Variants in PSMA1 observed in about 807,000 individuals in gnomAD.
PSMA1 encodes proteasome subunit alpha type-1.
A neutral mutation model predicts 38.4 loss-of-function variants in PSMA1; 3 were observed. The observed-to-expected ratio is 0.08, with a 90% CI of 0.04 to 0.20. PSMA1 has a LOEUF of 0.20. Ranked by LOEUF, PSMA1 falls within the 10% of genes least tolerant of loss-of-function variation. The probability of loss-of-function intolerance (pLI) is 1.00; values close to 1 mark genes in which losing one functional copy is unlikely to be tolerated. For synonymous variants in PSMA1, 101 were observed against 107.1 expected, an observed-to-expected ratio of 0.94 and a Z score of 0.35; for missense variants, 227 against 325.3, an observed-to-expected ratio of 0.70 and a Z score of 2.32.
intron 1 of PSMA1, among the ~76,000 whole-genome samples, chr11:14,621,854 T>C (rs1852847774): frequency 6.6e-6 from 1 of 152,204 alleles, no homozygotes; most frequent in Non-Finnish European, 1.5e-5. Flanking sequence ...GATGGTTCTC[T>C]GCGGCCTGGA....
upstream of PSMA1, among the ~76,000 whole-genome samples, chr11:14,524,309 C>T (rs1015967488): frequency 6.6e-6 from 1 of 152,046 alleles, no homozygotes; most frequent in Non-Finnish European, 1.5e-5. Context: ...CAGTGACCTG[C>T]ACGTATACAT....
chr11:14,614,745 T>A (rs1049021654), intron 1 of PSMA1, among the ~76,000 whole-genome samples: 1 of 152,186 alleles, frequency 6.6e-6, no homozygotes, highest in Non-Finnish European at 1.5e-5. Flanking sequence ...AATCTTTGCT[T>A]CCTTATCACT....
At chr11:14,624,819 C>T (rs758569497) in intron 1 of PSMA1, among the ~76,000 whole-genome samples, 14 of 152,112 alleles carry the variant, frequency 9.2e-5, no homozygotes, top group Admixed American at 4.6e-4. Context: ...ACATGTACAA[C>T]GACCCTGACT....
At chr11:14,642,312 A>G (rs1052063895) in intron 1 of PSMA1, among the ~76,000 whole-genome samples, 5 of 152,048 alleles carry the variant, frequency 3.3e-5, no homozygotes, top group African/African-American at 7.3e-5. Context: ...TAAAAAATAC[A>G]TTTGCTGAGT....
At chr11:14,603,106 G>A (rs533023494) in intron 2 of PSMA1, among the ~76,000 whole-genome samples, 1 of 152,252 alleles carries the variant, frequency 6.6e-6, no homozygotes, top group African/African-American at 2.4e-5. Flanking sequence ...GGTAACCAAC[G>A]CAAAATTACA....
exon 2 of PSMA1, chr11:14,611,103 C>A: frequency 1.0e-6 from 1 of 996,478 alleles, no homozygotes; most frequent in Non-Finnish European, 1.6e-6. Context: ...CTGCTACTGG[C>A]CTTGCTGAGA....
intron 9 of PSMA1, among the ~76,000 whole-genome samples, chr11:14,505,525 ATTTCTTTTTCTT>A (rs564859344): frequency 6.7e-6 from 1 of 149,808 alleles, no homozygotes; most frequent in South Asian, 2.1e-4. Flanking sequence ...TTATATGCAG[ATTTCTTTTTCTT>A]TTTCTTTTTC....
chr11:14,642,752 T>G (rs1853231429), intron 1 of PSMA1, among the ~76,000 whole-genome samples: 1 of 152,130 alleles, frequency 6.6e-6, no homozygotes, highest in Non-Finnish European at 1.5e-5. Context: ...AGCAGTCCCT[T>G]TGGTGTAGTA....
chr11:14,582,851 G>C (rs565606996), intron 2 of PSMA1, among the ~76,000 whole-genome samples: 55 of 152,222 alleles, frequency 3.6e-4, no homozygotes, highest in African/African-American at 1.1e-3. Flanking sequence ...CTTAATAGCA[G>C]ATTCCTTATT....
chr11:14,550,005 T>C (rs960573809), intron 2 of PSMA1, among the ~76,000 whole-genome samples: 3 of 152,206 alleles, frequency 2.0e-5, no homozygotes, highest in African/African-American at 7.2e-5. Context: ...TAACAAAACA[T>C]ATCATGGGTA....
intron 9 of PSMA1, 43 bp from the exon 10 acceptor site, chr11:14,505,291 T>G: frequency 2.8e-6 from 4 of 1,447,850 alleles, no homozygotes; most frequent in Non-Finnish European, 2.9e-6. Flanking sequence ...AAATGAACAC[T>G]TGATCAATAT....
Position 14,546,594 on chromosome 11 carries a change from T to C in PSMA1, c.22-27553A>G, listed in dbSNP as rs189312798. 7.7e-4 allele frequency among the ~76,000 whole-genome samples: 117 copies of C among 152,170 alleles called. 1 individual carries two copies. The highest frequency in any genetic ancestry group is 1.3e-3 in the Non-Finnish European group (85 of 67,990). On this transcript the variant is annotated intron_variant, in intron 2 of 10. Coordinates refer to the PSMA1 transcript ENST00000418988. ...CTAGGATTACAGGCGTGTGTCACCA[T>C]GCCCGGCTAATTTTCGTATTTTTAG...
At position 14,640,474 on chromosome 11, in the gene PSMA1, A is replaced by G. The variant is rs113166668; in HGVS notation, c.-166+2981T>C. Among the ~76,000 whole-genome samples, 1,010 of 152,340 alleles carry G rather than the reference A, an allele frequency of 6.6e-3. 9 individuals are homozygous for G. The highest frequency in any genetic ancestry group is 0.023 in the African/African-American group (965 of 41,574). On this transcript the variant is annotated intron_variant, in intron 1 of 10. Coordinates refer to the PSMA1 transcript ENST00000418988. ...CCAGATAAAGCTGCAGCTCTGAGAAAACTCTGAAGGACCTGTTATAGTTTT... is the reference window on the plus strand; with the variant it reads ...CCAGATAAAGCTGCAGCTCTGAGAAGACTCTGAAGGACCTGTTATAGTTTT...
intron 1 of PSMA1, among the ~76,000 whole-genome samples, chr11:14,638,847 A>T (rs981433486): frequency 4.0e-5 from 6 of 151,132 alleles, no homozygotes; most frequent in Middle Eastern, 3.4e-3. Context: ...GATCCTTCAG[A>T]TCTGCTGGGA....
intron 2 of PSMA1, chr11:14,610,817 G>A (rs1361249479): frequency 1.4e-6 from 1 of 700,978 alleles, no homozygotes; most frequent in Admixed American, 3.2e-5. Flanking sequence ...TTCTTACACA[G>A]ACATTTTTCT....
At chr11:14,605,114 T>C (rs1033855712) in intron 2 of PSMA1, among the ~76,000 whole-genome samples, 1 of 152,204 alleles carries the variant, frequency 6.6e-6, no homozygotes, top group Non-Finnish European at 1.5e-5. Context: ...TTAAGTTCTT[T>C]GAAAAATCTC....
chr11:14,608,799 C>A (rs1852674714), intron 2 of PSMA1, among the ~76,000 whole-genome samples: 1 of 149,948 alleles, frequency 6.7e-6, no homozygotes, highest in Non-Finnish European at 1.5e-5. Flanking sequence ...AGACTTCTTC[C>A]CATTATCAAA....
chr11:14,544,562 T>C (rs1376643244), intron 2 of PSMA1, among the ~76,000 whole-genome samples: 1 of 152,162 alleles, frequency 6.6e-6, no homozygotes, highest in Non-Finnish European at 1.5e-5. Flanking sequence ...AAATGGCCAA[T>C]AAGCCCATAG....
intron 2 of PSMA1, among the ~76,000 whole-genome samples, chr11:14,583,162 T>C (rs1224367969): frequency 6.6e-6 from 1 of 152,146 alleles, no homozygotes. Context: ...AATTTCCTCT[T>C]CTTCTTCTCT....
Sources: allele counts gnomAD v4.1 joint callset (sites outside exome capture counted in the v4.1 genomes callset), GRCh38; gene constraint gnomAD v4.1.1; transcripts MANE v1.5; gene names NCBI Gene and HGNC (gene_info 2026-07-23, HGNC 2026-07-21).